MIA2: variants seen among roughly 807,000 people sequenced by gnomAD.
MIA2 encodes melanoma inhibitory activity protein 2.
In MIA2, 127 loss-of-function variants were observed where a neutral mutation model predicts 167.8. The ratio of observed to expected loss-of-function variants is 0.76; its 90% CI spans 0.66 to 0.88. MIA2 has a LOEUF of 0.88. MIA2 is among the 40% of genes least tolerant of loss of function. The pLI is 0.00. For missense variants in MIA2, 1,690 were observed against 1,624.7 expected (o/e 1.04, Z -0.69); for synonymous variants, 552 against 541.9 (o/e 1.02, Z -0.26).
chr14:39,263,099 T>G (rs1442239812), intron 6 of MIA2, among the ~76,000 whole-genome samples: 1 of 152,228 alleles, frequency 6.6e-6, no homozygotes, highest in Non-Finnish European at 1.5e-5. Flanking sequence ...GTGCCAGTTT[T>G]CAAAGGGAAT....
intron 2 of MIA2, chr14:39,237,388 A>G (rs979787388): frequency 9.7e-6 from 3 of 308,592 alleles, no homozygotes; most frequent in Middle Eastern, 6.0e-4. Flanking sequence ...TCGGCCTCCC[A>G]AAGTGCCAGG....
At position 39,266,892 on chromosome 14, in the gene MIA2, G is replaced by T. The variant is rs12588387; in HGVS notation, c.1888-10042G>T. 32 of 697,938 alleles carry T rather than the reference G, an allele frequency of 4.6e-5. No homozygotes were observed. The East Asian group carries it at 3.5e-3, about 76-fold the overall frequency. The allele number at this position is 697,938 out of a possible 1,614,324, so 43.2% of individuals were successfully genotyped here. A position where few individuals can be genotyped will look rare whatever the true frequency, so the allele number is the denominator to read the frequency against. Reference sequence around the variant, plus strand: ...CTCTAGGAGAAGTCTCGCCGCCGCCGCCACCGCGGCCGCCCGAGGCGGGTG... The same window carrying T: ...CTCTAGGAGAAGTCTCGCCGCCGCCTCCACCGCGGCCGCCCGAGGCGGGTG... On this transcript the variant is annotated intron_variant, in intron 6 of 28. Coordinates refer to ENST00000640607, the MANE Select transcript of MIA2 (RefSeq NM_001329214.4).
chr14:39,383,747 T>C (rs2075215209), intron 23 of MIA2, among the ~76,000 whole-genome samples: 1 of 152,100 alleles, frequency 6.6e-6, no homozygotes, highest in Non-Finnish European at 1.5e-5. Context: ...ATGGAGAAAA[T>C]TTTAGTGGTC....
At chr14:39,243,727 G>A (rs2054165703) in intron 3 of MIA2, among the ~76,000 whole-genome samples, 2 of 152,146 alleles carry the variant, frequency 1.3e-5, no homozygotes. Flanking sequence ...TTAGCCAGGT[G>A]TGGTGATGTG....
rs1173103618 is a variant in MIA2, at chr14:39,386,587, C to T, written c.2249-298C>T. Reference sequence around the variant, plus strand: ...TCTTTGTTATCATCACCTGCTGTGCCACAGTGGGCTTTCTTTTTTCTTTTT... The same window carrying T: ...TCTTTGTTATCATCACCTGCTGTGCTACAGTGGGCTTTCTTTTTTCTTTTT... On this transcript the variant is annotated intron_variant, in intron 23 of 23. Transcript: ENST00000341502. 3 of 1,058,114 alleles carry T rather than the reference C, an allele frequency of 2.8e-6. No homozygotes were observed. In the African/African-American group the frequency reaches 4.9e-5, roughly 17 times the overall value. 65.5% of individuals were successfully genotyped at this position (1,058,114 alleles called of 1,614,324 possible).
intron 23 of MIA2, among the ~76,000 whole-genome samples, chr14:39,379,140 T>A (rs1363993730): frequency 1.3e-5 from 2 of 150,988 alleles, no homozygotes; most frequent in African/African-American, 4.8e-5. Flanking sequence ...TAGTCTTTTA[T>A]AATTTTTTTT....
intron 21 of MIA2, among the ~76,000 whole-genome samples, chr14:39,316,554 G>T (rs1458131693): frequency 3.3e-5 from 5 of 152,310 alleles, no homozygotes; most frequent in African/African-American, 1.2e-4. Flanking sequence ...AATGTTAACT[G>T]TTGTTATTGT....
downstream of MIA2, among the ~76,000 whole-genome samples, chr14:39,353,697 T>A (rs1445936006): frequency 6.6e-6 from 1 of 151,840 alleles, no homozygotes; most frequent in African/African-American, 2.4e-5. Flanking sequence ...ATTAAGTGTA[T>A]CTCCTATCCC....
intron 6 of MIA2, among the ~76,000 whole-genome samples, chr14:39,275,139 T>TTGTGTGTGTGTGTG (rs67380839): frequency 0.18 from 22,598 of 126,416 alleles, 2,228 homozygotes; most frequent in Admixed American, 0.19. Context: ...CCTTAATCCT[T>TTGTGTGTGTGTGTG]TGTGTGTGTG....
Position 39,325,306 on chromosome 14 carries a change from C to T in MIA2, c.3497-1558C>T, listed in dbSNP as rs527397475. On this transcript the variant is annotated intron_variant, in intron 24 of 28. Transcript: ENST00000640607. ...CTGGACAATATAATTTTGAGAAGAC[C>T]CCCCTTTTCCCTCTCAATGACAGAT... Among the ~76,000 whole-genome samples the T allele has an allele frequency of 1.4e-3, 207 of 151,844 alleles. 1 individual carries two copies. Among genetic ancestry groups the T allele is most frequent in the Admixed American group, 3.9e-3 (59 of 15,222 alleles).
chr14:39,379,849 CAAA>C (rs917989771), intron 23 of MIA2, among the ~76,000 whole-genome samples: 3 of 150,894 alleles, frequency 2.0e-5, no homozygotes, highest in Admixed American at 6.6e-5. Flanking sequence ...GACTATGTCT[CAAA>C]AAAAACCCAA....
At position 39,375,566 on chromosome 14, in the gene MIA2, G is replaced by T. The variant is rs543581261; in HGVS notation, c.2249-11319G>T. Among the ~76,000 whole-genome samples, 7 of 152,182 alleles carry T rather than the reference G, an allele frequency of 4.6e-5. No individual in the cohort carries two copies. In the East Asian group the frequency reaches 1.2e-3, roughly 25 times the overall value. On this transcript the variant is annotated intron_variant, in intron 23 of 23. Coordinates refer to the MIA2 transcript ENST00000341502. ...CAAAAAATTAGTCAGACATCGTGGC[G>T]CATGTCTGTAATCCCAGCTACTCAG...
At chr14:39,332,041 A>C (rs1327050034) in intron 25 of MIA2, among the ~76,000 whole-genome samples, 1 of 152,336 alleles carries the variant, frequency 6.6e-6, no homozygotes, top group East Asian at 1.9e-4. Flanking sequence ...GAGTTTTCCA[A>C]CTTGATTCCA....
Position 39,279,328 on chromosome 14 carries a change from T to C in MIA2, c.2020-9T>C, listed in dbSNP as rs1187808430. ...TTTTAATGTAATTTTTGTTAAAAAT[T>C]TGTTTCAGGTTAGGAGTCGGCTTTA... On this transcript the variant is annotated splice_polypyrimidine_tract_variant and intron_variant, in intron 7 of 28. Coordinates refer to ENST00000640607, the MANE Select transcript of MIA2 (RefSeq NM_001329214.4). 1 of 1,599,496 alleles carries C rather than the reference T, an allele frequency of 6.3e-7. No individual in the cohort carries two copies. The highest frequency in any genetic ancestry group is 1.4e-5 in the African/African-American group (1 of 73,854).
At chr14:39,377,236 GAAA>G (rs202148004) in intron 23 of MIA2, among the ~76,000 whole-genome samples, 9 of 106,254 alleles carry the variant, frequency 8.5e-5, no homozygotes, top group East Asian at 2.6e-4. Flanking sequence ...GGGGGAGGAA[GAAA>G]AAAAAAAAAA....
intron 6 of MIA2, among the ~76,000 whole-genome samples, chr14:39,268,772 T>A (rs1167995108): frequency 6.6e-6 from 1 of 152,158 alleles, no homozygotes; most frequent in African/African-American, 2.4e-5. Flanking sequence ...GGAAAGAGGG[T>A]ACTGTGTGGA....
At chr14:39,260,439 G>C (rs2055042970) in intron 6 of MIA2, among the ~76,000 whole-genome samples, 1 of 152,172 alleles carries the variant, frequency 6.6e-6, no homozygotes, top group African/African-American at 2.4e-5. Context: ...GTTTTGATTT[G>C]CATTTCTCTG....
At chr14:39,253,316 C>A in intron 6 of MIA2, 145 bp downstream of exon 6, 1 of 1,064,276 alleles carries the variant, frequency 9.4e-7, no homozygotes, top group Non-Finnish European at 1.4e-6. Context: ...TGTAAGATTT[C>A]TCTTTATATG....
At chr14:39,336,408 C>A (rs2070425686) in intron 25 of MIA2, among the ~76,000 whole-genome samples, 1 of 152,264 alleles carries the variant, frequency 6.6e-6, no homozygotes, top group East Asian at 1.9e-4. Flanking sequence ...ACTTTATTCT[C>A]ATTATTTTCA....
Sources: gnomAD v4.1 joint callset for allele counts (sites outside exome capture counted in the v4.1 genomes callset) on GRCh38, gnomAD v4.1.1 for gene constraint, MANE v1.5 for transcripts, NCBI Gene and HGNC (gene_info 2026-07-23, HGNC 2026-07-21) for gene names.